Variants in FAM50B observed in about 807,000 individuals in gnomAD.
The protein encoded by FAM50B is protein FAM50B.
A neutral mutation model predicts 25.4 loss-of-function variants in FAM50B; 9 were observed. The ratio of observed to expected loss-of-function variants is 0.35; its 90% CI spans 0.21 to 0.62. FAM50B has a LOEUF of 0.62. Among genes scored for constraint, FAM50B ranks in the 20% least tolerant of loss-of-function variants. FAM50B has a pLI of 0.73. For missense variants in FAM50B, 372 were observed against 477.9 expected, an observed-to-expected ratio of 0.78 and a Z score of 2.07; for synonymous variants, 212 against 204.3, an observed-to-expected ratio of 1.04 and a Z score of -0.32.
chr6:3,849,900 T>A lies in FAM50B; in HGVS notation c.89T>A (p.Val30Glu). 1 of 1,612,984 alleles carries A rather than the reference T, an allele frequency of 6.2e-7. No individual in the cohort carries two copies. The highest frequency in any genetic ancestry group is 8.5e-7 in the Non-Finnish European group (1 of 1,179,786). The change falls in exon 2 of 2, where the codon GTG becomes GAG. Residue 30 changes from valine (V) to glutamate (E), a missense_variant. This residue lies in a region of FAM50B where 64 missense variants were observed against 118.3 expected (regional missense o/e 0.54). Transcript: ENST00000648326. ...GAAAGGCAGCGGGAGCAGATGGAGG[T>A]GCTGAAGCAGCGCATCGCCGAGGAG... ...KRERQREQMEVLKQRIAEETI... is the reference protein window; with the variant it reads ...KRERQREQMEELKQRIAEETI...
the FAM50B span, among the ~76,000 whole-genome samples, chr6:3,836,741 T>C: frequency 6.6e-6 from 1 of 152,176 alleles, no homozygotes; most frequent in Non-Finnish European, 1.5e-5. Flanking sequence ...CCAAGCACAA[T>C]GCCATTGGTG....
chr6:3,848,874 A>G (rs1285231316), upstream of FAM50B, among the ~76,000 whole-genome samples: 2 of 152,112 alleles, frequency 1.3e-5, no homozygotes, highest in African/African-American at 4.8e-5. Flanking sequence ...GTAGGGTTCT[A>G]TTATCAAAGA....
chr6:3,834,120 A>G, the FAM50B span, among the ~76,000 whole-genome samples: 2 of 152,158 alleles, frequency 1.3e-5, no homozygotes, highest in South Asian at 2.1e-4. Flanking sequence ...GACTGACAGT[A>G]TGTTCAGAAC....
upstream of FAM50B, among the ~76,000 whole-genome samples, chr6:3,845,449 G>A (rs769348989): frequency 2.3e-4 from 35 of 152,136 alleles, no homozygotes; most frequent in Non-Finnish European, 4.7e-4. Context: ...AACGATAGTC[G>A]ATTGAATTAA....
the FAM50B span, among the ~76,000 whole-genome samples, chr6:3,840,855 C>T: frequency 6.6e-6 from 1 of 152,144 alleles, no homozygotes; most frequent in Admixed American, 6.5e-5. Context: ...CCAAAAACAG[C>T]AAATGGTGCT....
rs776304566 is a variant in FAM50B, at chr6:3,850,221, G to C, written c.410G>C (p.Arg137Thr). The C allele has an allele frequency of 6.2e-7, 1 of 1,613,316 alleles. No individual in the cohort carries two copies. The highest frequency in any genetic ancestry group is 1.1e-5 in the South Asian group (1 of 91,070). The change falls in exon 2 of 2, where the codon AGG (arginine) becomes ACG (threonine). Residue 137 changes from arginine to threonine, a missense_variant. By Grantham distance (71) the Arg-to-Thr change is moderately conservative. This residue lies in a region of FAM50B where 224 missense variants were observed against 232.2 expected (regional missense o/e 0.96). Coordinates refer to ENST00000648326, the MANE Select transcript of FAM50B (RefSeq NM_012135.3). ...GACCAGGCCGACGCGGCCGAGGCCA[G>C]GCGCGCCGGAAACCTGGGCAAGAAC... ...LDDQADAAEARRAGNLGKNPD... is the reference protein window; with the variant it reads ...LDDQADAAEATRAGNLGKNPD...
upstream of FAM50B, among the ~76,000 whole-genome samples, chr6:3,845,809 G>T (rs1035688121): frequency 1.1e-4 from 17 of 152,162 alleles, no homozygotes; most frequent in Admixed American, 1.1e-3. Context: ...CCATCTCCTG[G>T]GTTGAAGCAA....
chr6:3,843,374 ACTTTT>A, the FAM50B span, among the ~76,000 whole-genome samples: 2 of 152,248 alleles, frequency 1.3e-5, no homozygotes, highest in African/African-American at 4.8e-5. Flanking sequence ...TTTCAGGATT[ACTTTT>A]CTTTTTAAAC....
At chr6:3,847,353 A>C (rs756707258), upstream of FAM50B, among the ~76,000 whole-genome samples, 2 of 152,248 alleles carry the variant, frequency 1.3e-5, no homozygotes, top group Admixed American at 6.5e-5. Context: ...CTTCTGGATA[A>C]CCTGCTGCAG....
Position 3,850,646 on chromosome 6 carries a change from G to A in FAM50B, c.835G>A (p.Asp279Asn), listed in dbSNP as rs1355301354. 2 of 1,614,112 alleles carry A rather than the reference G, an allele frequency of 1.2e-6. No homozygotes were observed. Among genetic ancestry groups the A allele is most frequent in the Non-Finnish European group, 1.7e-6 (2 of 1,180,030 alleles). The change falls in exon 2 of 2, where the codon GAC becomes AAC. Residue 279 changes from aspartate (D) to asparagine (N), a missense_variant. By Grantham distance (23) the Asp-to-Asn change is conservative (BLOSUM62 1). Transcript: ENST00000648326. ...GCACGATGACGTGCGCCTGCTCAGC[G>A]ACGCCACCATGGAGAAGGACGAGTC... ...DVHDDVRLLS[D>N]ATMEKDESHA...
chr6:3,834,545 G>T, the FAM50B span, among the ~76,000 whole-genome samples: 1 of 151,844 alleles, frequency 6.6e-6, no homozygotes, highest in South Asian at 2.1e-4. Flanking sequence ...ACAATTTGAA[G>T]AACATATTAA....
At chr6:3,839,182 AG>A in the FAM50B span, among the ~76,000 whole-genome samples, 1 of 151,576 alleles carries the variant, frequency 6.6e-6, no homozygotes, top group Non-Finnish European at 1.5e-5. Flanking sequence ...CTCAAGCAGA[AG>A]GCAAAAGGAA....
chr6:3,845,447 T>C (rs890901751), upstream of FAM50B, among the ~76,000 whole-genome samples: 6 of 152,154 alleles, frequency 3.9e-5, no homozygotes, highest in African/African-American at 1.2e-4. Context: ...CAAACGATAG[T>C]CGATTGAATT....
chr6:3,839,734 T>C, the FAM50B span, among the ~76,000 whole-genome samples: 1 of 152,220 alleles, frequency 6.6e-6, no homozygotes, highest in Non-Finnish European at 1.5e-5. Flanking sequence ...CAGTCATCAA[T>C]AAATCATCCT....
At position 3,850,687 on chromosome 6, in the gene FAM50B, G is replaced by A; in HGVS notation, c.876G>A (p.Val292=). The A allele has an allele frequency of 6.2e-7, 1 of 1,614,140 alleles. No homozygotes were observed. The highest frequency in any genetic ancestry group is 1.1e-5 in the South Asian group (1 of 91,080). ...AGGACGAGTCGCACGCGGGCAAGGTGGTGCTGCGCAGCTGGTACGAGAAGA... is the reference window on the plus strand; with the variant it reads ...AGGACGAGTCGCACGCGGGCAAGGTAGTGCTGCGCAGCTGGTACGAGAAGA... The part of the protein sequence containing the change: ...MEKDESHAGK[V]VLRSWYEKNK... Residue 292 remains valine, a synonymous_variant, in exon 2 of 2, where the codon GTG becomes GTA. Coordinates refer to ENST00000648326, the MANE Select transcript of FAM50B (RefSeq NM_012135.3).
At chr6:3,834,584 G>T in the FAM50B span, among the ~76,000 whole-genome samples, 1 of 151,924 alleles carries the variant, frequency 6.6e-6, no homozygotes, top group African/African-American at 2.4e-5. Flanking sequence ...TCAAAGTCAA[G>T]GGCTATCAGG....
the FAM50B span, among the ~76,000 whole-genome samples, chr6:3,836,184 T>C: frequency 6.6e-6 from 1 of 152,164 alleles, no homozygotes; most frequent in Non-Finnish European, 1.5e-5. Context: ...GACCCAGCAA[T>C]AGTTTTAAGC....
chr6:3,850,757 G>C lies in FAM50B; in HGVS notation c.946G>C (p.Glu316Gln), dbSNP rs941583529. Residue 316 changes from glutamate (E) to glutamine (Q), a missense_variant, in exon 2 of 2, where the codon GAG becomes CAG. Physicochemically the swap from Glu to Gln is conservative, Grantham distance 29. This residue lies in a region of FAM50B where 57 missense variants were observed against 65.8 expected (regional missense o/e 0.87). Coordinates refer to ENST00000648326, the MANE Select transcript of FAM50B (RefSeq NM_012135.3). ...PASRWEAYDP[E>Q]KKWDKYTIR ...CAGCCGCTGGGAGGCCTATGACCCC[G>C]AGAAGAAGTGGGACAAGTACACCAT... 6 of 1,613,964 alleles carry C rather than the reference G, an allele frequency of 3.7e-6. No homozygotes were observed. In the East Asian group the frequency reaches 1.3e-4, roughly 36 times the overall value.
chr6:3,832,573 C>A, the FAM50B span, among the ~76,000 whole-genome samples: 5 of 152,304 alleles, frequency 3.3e-5, no homozygotes, highest in African/African-American at 1.2e-4. Flanking sequence ...CACTCATACA[C>A]CCCTTAAAAA....
Sources: gnomAD v4.1 joint callset for allele counts (sites outside exome capture counted in the v4.1 genomes callset) on GRCh38, gnomAD v4.1.1 for gene constraint, gnomAD v4.1.1 regional missense constraint, MANE v1.5 for transcripts, NCBI Gene and HGNC (gene_info 2026-07-23, HGNC 2026-07-21) for gene names.